Variants in TAF1 observed in about 807,000 individuals in gnomAD.
TAF1 encodes the protein transcription initiation factor TFIID subunit 1.
A neutral mutation model predicts 138.5 loss-of-function variants in TAF1; 2 were observed. The ratio of observed to expected loss-of-function variants is 0.01; its 90% CI spans 0.01 to 0.05. TAF1 has a LOEUF of 0.05. TAF1 is among the 10% of genes least tolerant of loss of function. The pLI is 1.00. For synonymous variants in TAF1, 437 were observed against 503.2 expected, an observed-to-expected ratio of 0.87 and a Z score of 1.76; for missense variants, 709 against 1,478.0, an observed-to-expected ratio of 0.48 and a Z score of 8.53.
chrX:71,403,858 C>A (rs1231196204), intron 25 of TAF1, among the ~76,000 whole-genome samples: 1 of 106,727 alleles, frequency 9.4e-6, no homozygotes, highest in Non-Finnish European at 1.9e-5. Flanking sequence ...TTTTGATGCT[C>A]ACATAGTGTC....
intron 13 of TAF1, among the ~76,000 whole-genome samples, chrX:71,503,300 A>ATATATATATATATATATATATGTGTGTG (rs1569408312): frequency 3.6e-5 from 3 of 82,673 alleles, no homozygotes; most frequent in East Asian, 7.1e-4. Context: ...ATATATGTGT[A>ATATATATATATATATATATATGTGTGTG]TATATATATA....
chrX:71,503,913 A>T (rs1054599847), intron 13 of TAF1, among the ~76,000 whole-genome samples: 1 of 110,486 alleles, frequency 9.1e-6, no homozygotes, highest in East Asian at 2.8e-4. Context: ...ACTAGGCTAC[A>T]GTTCCCAGTT....
chrX:71,496,984 A>G (rs2039409217), intron 13 of TAF1, among the ~76,000 whole-genome samples: 1 of 112,329 alleles, frequency 8.9e-6, no homozygotes, highest in Non-Finnish European at 1.9e-5. Flanking sequence ...ATGGGAATGT[A>G]GGATTAGATA....
chrX:71,441,090 AG>A (rs1461494724), intron 32 of TAF1, among the ~76,000 whole-genome samples: 1 of 110,652 alleles, frequency 9.0e-6, no homozygotes, highest in Non-Finnish European at 1.9e-5. Context: ...TAATAGAGAC[AG>A]GGTTTCATGA....
chrX:71,405,727 C>T (rs2035431116), intron 25 of TAF1, among the ~76,000 whole-genome samples: 2 of 111,971 alleles, frequency 1.8e-5, no homozygotes, highest in African/African-American at 6.5e-5. Flanking sequence ...GGAAGATGGG[C>T]CGGACGTGGT....
At chrX:71,423,543 A>G (rs2036457679) in intron 30 of TAF1, among the ~76,000 whole-genome samples, 1 of 110,904 alleles carries the variant, frequency 9.0e-6, no homozygotes, top group Admixed American at 9.6e-5. Flanking sequence ...GATGCTAGCG[A>G]ATGTGAGGCT....
intron 13 of TAF1, among the ~76,000 whole-genome samples, chrX:71,517,309 G>A (rs923616159): frequency 1.8e-5 from 2 of 111,500 alleles, no homozygotes; most frequent in African/African-American, 6.5e-5. Context: ...ATAATTTATT[G>A]TACATTTAAA....
chrX:71,466,670 G>A (rs1458626061), downstream of TAF1, among the ~76,000 whole-genome samples: 3 of 111,607 alleles, frequency 2.7e-5, no homozygotes, highest in African/African-American at 9.8e-5. Flanking sequence ...GAGCCACCGC[G>A]CCCAGCCAAG....
At chrX:71,382,061 T>C (rs1271905900) in intron 9 of TAF1, 142 bp downstream of exon 9, 3 of 681,729 alleles carry the variant, frequency 4.4e-6, no homozygotes, top group Admixed American at 1.0e-4. Context: ...AAGTTTTGGC[T>C]GTTAGTTTAT....
chrX:71,504,741 C>CAAAAAAAAAAAAAAAAAAAAAAAAAA (rs41370846), intron 13 of TAF1, among the ~76,000 whole-genome samples: 6 of 5,706 alleles, frequency 1.1e-3, no homozygotes, highest in African/African-American at 1.6e-3. Flanking sequence ...GACCCTGTCT[C>CAAAAAAAAAAAAAAAAAAAAAAAAAA]AAAAAAAAAA....
At position 71,458,321 on chromosome X, in the gene TAF1, T is replaced by C; in HGVS notation, c.5019T>C (p.Ser1673=). ...TATTTCAAGATGAGAGCAATATGTC[T>C]GTCTTGGATATTCCCAGTGCCACTC... ...ASVFQDESNM[S]VLDIPSATPE... The change falls in exon 35 of 38, where the codon TCT becomes TCC. Residue 1673 remains serine, a synonymous_variant. Transcript: ENST00000423759. 2 of 1,211,964 alleles carry C rather than the reference T, an allele frequency of 1.7e-6. No homozygotes were observed. Among genetic ancestry groups the C allele is most frequent in the Non-Finnish European group, 2.2e-6 (2 of 895,422 alleles).
At chrX:71,469,705 T>C (rs1397034082), downstream of TAF1, among the ~76,000 whole-genome samples, 1 of 110,417 alleles carries the variant, frequency 9.1e-6, no homozygotes, top group African/African-American at 3.3e-5. Context: ...TTTTATTTTA[T>C]TTTATTTTAT....
Position 71,379,105 on chromosome X carries a change from A to ATTTTTTTTTTTTTT in TAF1, c.1360+84_1360+97dup, listed in dbSNP as rs916740866. 6 of 486,024 alleles carry ATTTTTTTTTTTTTT rather than the reference A, an allele frequency of 1.2e-5. 1 individual carries two copies. In the African/African-American group the frequency reaches 2.9e-4, roughly 24 times the overall value. 40.1% of individuals were successfully genotyped at this position (486,024 alleles called of 1,213,427 possible). On this transcript the variant is annotated intron_variant, in intron 8 of 37. Coordinates refer to ENST00000423759, the MANE Select transcript of TAF1 (RefSeq NM_004606.5). ...GTCACCATAAGTGGGCTCAGCTGTG[A>ATTTTTTTTTTTTTT]TTTTTTTTTTTTTTTTTTTTTTTCG...
chrX:71,489,774 CAG>C (rs771057627), intron 13 of TAF1, among the ~76,000 whole-genome samples: 1 of 111,824 alleles, frequency 8.9e-6, no homozygotes, highest in Admixed American at 9.5e-5. Flanking sequence ...GTATTACAGA[CAG>C]AGGGATGAGG....
intron 22 of TAF1, 93 bp downstream of exon 22, chrX:71,394,338 G>A: frequency 2.9e-6 from 3 of 1,021,877 alleles, no homozygotes; most frequent in Non-Finnish European, 2.6e-6. Context: ...AGATCTGGAG[G>A]CAGAAGATGT....
chrX:71,383,346 GT>G, intron 12 of TAF1, among the ~76,000 whole-genome samples, 182 bp downstream of exon 12: 1 of 112,130 alleles, frequency 8.9e-6, no homozygotes. Flanking sequence ...ATATTTAAAG[GT>G]GAGGTGTCAG....
At chrX:71,507,603 C>T (rs2039652500) in intron 13 of TAF1, among the ~76,000 whole-genome samples, 1 of 110,384 alleles carries the variant, frequency 9.1e-6, no homozygotes, top group Non-Finnish European at 1.9e-5. Flanking sequence ...TGCCACCAAG[C>T]CCAGCTAATT....
At chrX:71,435,422 A>G (rs189811071) in intron 32 of TAF1, among the ~76,000 whole-genome samples, 2 of 111,694 alleles carry the variant, frequency 1.8e-5, no homozygotes, top group Admixed American at 1.9e-4. Context: ...TTATTTTTCT[A>G]TGGAGCACCC....
chrX:71,512,541 G>A (rs757376816), intron 13 of TAF1, among the ~76,000 whole-genome samples: 8 of 111,041 alleles, frequency 7.2e-5, no homozygotes, highest in Non-Finnish European at 9.4e-5. Flanking sequence ...TAGGCCAGGC[G>A]CGGTGGCTCA....
Sources: allele counts gnomAD v4.1 joint callset (sites outside exome capture counted in the v4.1 genomes callset), GRCh38; gene constraint gnomAD v4.1.1; transcripts MANE v1.5; gene names NCBI Gene and HGNC (gene_info 2026-07-23, HGNC 2026-07-21).